DCC: variants seen among roughly 807,000 people sequenced by gnomAD.
The protein encoded by DCC is DCC netrin 1 receptor.
Under a neutral mutation model 172.5 loss-of-function variants are expected in DCC, and 58 were observed. The observed-to-expected ratio is 0.34, with a 90% CI of 0.27 to 0.42. The LOEUF (loss-of-function observed/expected upper bound fraction) is 0.42, where lower values mean the gene tolerates loss of function less well. DCC is among the 10% of genes least tolerant of loss of function. The probability of loss-of-function intolerance (pLI) is 1.00; values close to 1 mark genes in which losing one functional copy is unlikely to be tolerated. For synonymous variants in DCC, 709 were observed against 644.5 expected (o/e 1.10, Z -1.52); for missense variants, 1,740 against 1,791.0 (o/e 0.97, Z 0.51).
chr18:53,215,638 A>G (rs372810029), intron 12 of DCC, 41 bp downstream of exon 12: 162 of 1,503,892 alleles, frequency 1.1e-4, no homozygotes, highest in Middle Eastern at 5.1e-4. Context: ...ACCTATCAAG[A>G]TTACCTATCA....
intron 5 of DCC, among the ~76,000 whole-genome samples, chr18:52,933,519 G>A (rs918343744): frequency 7.2e-5 from 11 of 152,004 alleles, no homozygotes; most frequent in African/African-American, 1.9e-4. Flanking sequence ...GATGGGGAAC[G>A]GGAAGTGAAT....
intron 1 of DCC, among the ~76,000 whole-genome samples, chr18:52,434,581 A>G (rs1011528652): frequency 2.0e-5 from 3 of 151,678 alleles, no homozygotes; most frequent in African/African-American, 7.3e-5. Context: ...TTTGTTCTCC[A>G]TTTCACTTTT....
intron 26 of DCC, among the ~76,000 whole-genome samples, chr18:53,497,165 G>A (rs2144427925): frequency 6.6e-6 from 1 of 152,310 alleles, no homozygotes; most frequent in African/African-American, 2.4e-5. Flanking sequence ...GAGGAACCTA[G>A]AGAAATAGCC....
At chr18:52,925,888 C>A (rs4940225) in intron 5 of DCC, among the ~76,000 whole-genome samples, 1 of 150,520 alleles carries the variant, frequency 6.6e-6, no homozygotes, top group Non-Finnish European at 1.5e-5. Context: ...ATAATTTAAA[C>A]AGATTTAAGG....
chr18:52,829,448 C>T lies in DCC; in HGVS notation c.413-76596C>T, dbSNP rs117517204. The stretch of plus-strand genomic sequence containing the variant: ...ACATCACTGAAGTCTCTTTAATCTC[C>T]AAGATTGTACACATCTGTAAATTTG... On this transcript the variant is annotated intron_variant, in intron 2 of 28. Coordinates refer to ENST00000442544, the MANE Select transcript of DCC (RefSeq NM_005215.4). 5.2e-3 allele frequency among the ~76,000 whole-genome samples: 788 copies of T among 152,252 alleles called. 3 individuals are homozygous for T. The highest frequency in any genetic ancestry group is 8.4e-3 in the Non-Finnish European group (570 of 68,002).
At chr18:52,743,196 T>A (rs184849661) in intron 1 of DCC, among the ~76,000 whole-genome samples, 23 of 152,334 alleles carry the variant, frequency 1.5e-4, no homozygotes, top group African/African-American at 4.1e-4. Flanking sequence ...ATCACACTTT[T>A]TCTAAATACT....
At chr18:52,844,107 G>A (rs916128464) in intron 2 of DCC, among the ~76,000 whole-genome samples, 1 of 152,098 alleles carries the variant, frequency 6.6e-6, no homozygotes, top group Non-Finnish European at 1.5e-5. Flanking sequence ...ACCCCATAGG[G>A]TCATTGTGAG....
intron 1 of DCC, among the ~76,000 whole-genome samples, chr18:52,735,628 G>GTCCAAAAGTCCAAAAT (rs996800225): frequency 6.9e-6 from 1 of 145,810 alleles, no homozygotes; most frequent in East Asian, 2.0e-4. Context: ...AAGTCCAAAA[G>GTCCAAAAGTCCAAAAT]TCCAAAAGCT....
At chr18:52,916,640 C>T (rs908688019) in intron 3 of DCC, among the ~76,000 whole-genome samples, 1 of 152,112 alleles carries the variant, frequency 6.6e-6, no homozygotes, top group Non-Finnish European at 1.5e-5. Context: ...TAACATAGCA[C>T]AAAACGTTTA....
At chr18:52,537,828 T>G (rs921675628) in intron 1 of DCC, among the ~76,000 whole-genome samples, 1 of 152,194 alleles carries the variant, frequency 6.6e-6, no homozygotes, top group South Asian at 2.1e-4. Context: ...GATGTCCCCA[T>G]GTTTTATATC....
At chr18:53,354,424 G>C (rs2057852667) in intron 15 of DCC, among the ~76,000 whole-genome samples, 1 of 152,076 alleles carries the variant, frequency 6.6e-6, no homozygotes, top group Non-Finnish European at 1.5e-5. Context: ...TCCAGCATCT[G>C]TTGTTTCCTG....
In DCC at chr18:52,642,831, T is replaced by C. The variant is rs556111293; in HGVS notation, c.92-109223T>C. Reference sequence around the variant, plus strand: ...GGTTTGGGCCATCACACCCAGCTAGTTTTTCAATATTTTGTAGAGATGAGG... The same window carrying C: ...GGTTTGGGCCATCACACCCAGCTAGCTTTTCAATATTTTGTAGAGATGAGG... On this transcript the variant is annotated intron_variant, in intron 1 of 28. Coordinates refer to ENST00000442544, the MANE Select transcript of DCC (RefSeq NM_005215.4). Among the ~76,000 whole-genome samples, 50 of 152,212 alleles carry C rather than the reference T, an allele frequency of 3.3e-4. No individual in the cohort carries two copies. In the South Asian group the frequency reaches 9.7e-3, roughly 30 times the overall value.
intron 14 of DCC, among the ~76,000 whole-genome samples, chr18:53,323,649 T>C (rs2057435571): frequency 6.6e-6 from 1 of 151,954 alleles, no homozygotes; most frequent in Non-Finnish European, 1.5e-5. Context: ...GATGGATGGA[T>C]GGATGGTGGT....
intron 1 of DCC, among the ~76,000 whole-genome samples, chr18:52,556,685 C>T (rs897478697): frequency 6.6e-6 from 1 of 151,796 alleles, no homozygotes; most frequent in Non-Finnish European, 1.5e-5. Context: ...GCACATGCAC[C>T]CCCAGGAGAC....
intron 1 of DCC, among the ~76,000 whole-genome samples, chr18:52,532,395 C>A (rs572454392): frequency 1.3e-5 from 2 of 152,218 alleles, no homozygotes; most frequent in East Asian, 3.9e-4. Context: ...AAAATAAGTT[C>A]AAGACTCAAG....
In DCC at chr18:53,207,794, T is replaced by A; in HGVS notation, c.1838T>A (p.Ile613Lys). Reference protein sequence around the residue: ...RYGPGVSTDDITVVTLSDVPS... With the variant: ...RYGPGVSTDDKTVVTLSDVPS... ...GGTCCGGGCGTCTCTACTGATGATA[T>A]AACAGTGGTTACACTTTCTGACGGT... is the stretch of plus-strand genomic sequence containing the variant. The change falls in exon 11 of 29, where the codon ATA becomes AAA. Residue 613 changes from isoleucine (I) to lysine (K), a missense_variant. By Grantham distance (102) the Ile-to-Lys change is moderately radical (BLOSUM62 -3). This residue lies in a region of DCC where 1,732 missense variants were observed against 1,767.4 expected (regional missense o/e 0.98). Coordinates refer to ENST00000442544, the MANE Select transcript of DCC (RefSeq NM_005215.4). 1.2e-6 allele frequency: 2 copies of A among 1,612,496 alleles called. No individual in the cohort carries two copies. The highest frequency in any genetic ancestry group is 1.7e-6 in the Non-Finnish European group (2 of 1,178,556).
At chr18:52,987,864 A>G (rs2041320095) in intron 5 of DCC, among the ~76,000 whole-genome samples, 1 of 152,224 alleles carries the variant, frequency 6.6e-6, no homozygotes, top group South Asian at 2.1e-4. Context: ...GCACAAATGT[A>G]TTTCATATAC....
At chr18:52,430,764 T>C (rs1987594325) in intron 1 of DCC, among the ~76,000 whole-genome samples, 1 of 152,016 alleles carries the variant, frequency 6.6e-6, no homozygotes, top group African/African-American at 2.4e-5. Flanking sequence ...TAGGAAGAAA[T>C]AAATGCTGAA....
intron 1 of DCC, among the ~76,000 whole-genome samples, chr18:52,686,830 C>T (rs910816044): frequency 6.6e-6 from 1 of 152,076 alleles, no homozygotes; most frequent in Non-Finnish European, 1.5e-5. Context: ...GAGAGCTTGC[C>T]TTGATCATAT....
Sources: gnomAD v4.1 joint callset for allele counts (sites outside exome capture counted in the v4.1 genomes callset) on GRCh38, gnomAD v4.1.1 for gene constraint, gnomAD v4.1.1 regional missense constraint, MANE v1.5 for transcripts, NCBI Gene and HGNC (gene_info 2026-07-23, HGNC 2026-07-21) for gene names.